Variants in DIXDC1 observed in about 807,000 individuals in gnomAD.
The protein encoded by DIXDC1 is dixin.
Under a neutral mutation model 103.1 loss-of-function variants are expected in DIXDC1, and 64 were observed. The ratio of observed to expected loss-of-function variants is 0.62; its 90% confidence interval spans 0.51 to 0.76. The LOEUF (loss-of-function observed/expected upper bound fraction) is 0.76. Among genes scored for constraint, DIXDC1 ranks in the 30% least tolerant of loss-of-function variants. The pLI is 0.00. For synonymous variants in DIXDC1, 266 were observed against 298.5 expected (o/e 0.89, Z 1.12); for missense variants, 759 against 834.2 (o/e 0.91, Z 1.11).
At chr11:111,962,943 G>T (rs1219468629) in intron 1 of DIXDC1, among the ~76,000 whole-genome samples, 1 of 152,210 alleles carries the variant, frequency 6.6e-6, no homozygotes, top group Non-Finnish European at 1.5e-5. Flanking sequence ...GGTGATGGGT[G>T]TCTGGCCCAC....
chr11:111,982,248 AC>A, intron 6 of DIXDC1, 90 bp from the exon 7 acceptor site: 7 of 1,404,574 alleles, frequency 5.0e-6, no homozygotes, highest in Middle Eastern at 1.8e-4. Context: ...AACGCAGGTG[AC>A]CTGAACCTGT....
intron 17 of DIXDC1, among the ~76,000 whole-genome samples, chr11:112,015,095 G>T (rs1157896698): frequency 2.0e-5 from 3 of 152,058 alleles, no homozygotes; most frequent in Non-Finnish European, 2.9e-5. Flanking sequence ...ATGTTGCCCA[G>T]GCTGGTCTCA....
chr11:111,981,587 C>T (rs1041780785), intron 6 of DIXDC1, among the ~76,000 whole-genome samples: 2 of 152,118 alleles, frequency 1.3e-5, no homozygotes, highest in East Asian at 1.9e-4. Flanking sequence ...TACTGAGTGC[C>T]GCTCTGGGCC....
At chr11:111,975,237 A>G (rs926581353) in intron 5 of DIXDC1, 6 of 1,270,578 alleles carry the variant, frequency 4.7e-6, no homozygotes, top group Non-Finnish European at 5.0e-6. Context: ...CTGTGACCAC[A>G]TGGGGGCATG....
chr11:111,942,610 T>C (rs1334341485), intron 1 of DIXDC1, among the ~76,000 whole-genome samples: 2 of 152,216 alleles, frequency 1.3e-5, no homozygotes, highest in African/African-American at 4.8e-5. Context: ...TTCACATGCA[T>C]TTATTGAGCA....
chr11:112,009,114 A>G lies in DIXDC1; in HGVS notation c.1757-7577A>G, dbSNP rs185203888. On this transcript the variant is annotated intron_variant, in intron 17 of 19. Transcript: ENST00000440460. ...CATCAAATTGACACAATAAAAAATG[A>G]TAAAGGGGATATTACCACCGATCCC... Among the ~76,000 whole-genome samples, 360 of 152,278 alleles carry G rather than the reference A, an allele frequency of 2.4e-3. 1 individual carries two copies. The highest frequency in any genetic ancestry group is 0.011 in the South Asian group (55 of 4,822).
At chr11:111,993,313 T>C (rs1555174768) in intron 12 of DIXDC1, among the ~76,000 whole-genome samples, 183 bp from the exon 13 acceptor site, 1 of 152,196 alleles carries the variant, frequency 6.6e-6, no homozygotes, top group Non-Finnish European at 1.5e-5. Context: ...TCTTCATTAC[T>C]CTTGAAGAAT....
intron 2 of DIXDC1, among the ~76,000 whole-genome samples, chr11:111,931,508 T>G (rs1966015990): frequency 6.6e-6 from 1 of 152,070 alleles, no homozygotes; most frequent in Non-Finnish European, 1.5e-5. Context: ...CTGGACGTGG[T>G]GGCGGACGCC....
chr11:111,999,107 C>T (rs980937295), intron 17 of DIXDC1, among the ~76,000 whole-genome samples: 1 of 152,184 alleles, frequency 6.6e-6, no homozygotes, highest in Admixed American at 6.5e-5. Flanking sequence ...TAGAAATCAT[C>T]TAGTGTACTG....
intron 17 of DIXDC1, among the ~76,000 whole-genome samples, chr11:112,011,486 A>G (rs1861418846): frequency 6.6e-6 from 1 of 152,228 alleles, no homozygotes; most frequent in African/African-American, 2.4e-5. Flanking sequence ...TCATGCTACT[A>G]TAAAGACACA....
At position 111,980,824 on chromosome 11, in the gene DIXDC1, C is replaced by T. The variant is rs111963828; in HGVS notation, c.744C>T (p.Pro248=). ...AGAAGGCAGATTTTGTGATTATTCCCGCTGAAGGAATAGAGAACAGAACAG... is the reference window on the plus strand; with the variant it reads ...AGAAGGCAGATTTTGTGATTATTCCTGCTGAAGGAATAGAGAACAGAACAG... ...SEEKADFVII[P]AEGIENRTEG... The change falls in exon 6 of 20, where the codon CCC becomes CCT. Residue 248 remains proline, a synonymous_variant. Coordinates refer to ENST00000440460, the MANE Select transcript of DIXDC1 (RefSeq NM_001037954.4). 1,914 of 1,613,776 alleles carry T rather than the reference C, an allele frequency of 1.2e-3. 14 individuals carry two copies. The African/African-American group carries it at 0.022, about 19-fold the overall frequency.
chr11:111,933,807 A>AT (rs1371450940), upstream of DIXDC1, among the ~76,000 whole-genome samples: 4 of 151,454 alleles, frequency 2.6e-5, no homozygotes, highest in East Asian at 5.8e-4. Flanking sequence ...GTCATGAATT[A>AT]TTGGCCATAA....
At chr11:111,981,240 G>A (rs587676266) in intron 6 of DIXDC1, among the ~76,000 whole-genome samples, 28 of 152,332 alleles carry the variant, frequency 1.8e-4, no homozygotes, top group African/African-American at 5.5e-4. Flanking sequence ...TGAGGTGTCT[G>A]TGAGGGCACA....
chr11:111,994,709 T>C (rs1293997534), intron 14 of DIXDC1, among the ~76,000 whole-genome samples: 2 of 152,148 alleles, frequency 1.3e-5, no homozygotes, highest in African/African-American at 4.8e-5. Context: ...AGCCAGGCAG[T>C]GCTGGAGCAG....
intron 7 of DIXDC1, among the ~76,000 whole-genome samples, chr11:111,984,264 G>A (rs1860415980): frequency 6.6e-6 from 1 of 152,196 alleles, no homozygotes; most frequent in Non-Finnish European, 1.5e-5. Flanking sequence ...ATTAGGTATA[G>A]GCAACGCATG....
At chr11:111,937,316 G>T (rs1408721807), upstream of DIXDC1, 1 of 1,339,658 alleles carries the variant, frequency 7.5e-7, no homozygotes, top group African/African-American at 1.5e-5. Context: ...GGAGGCCCCC[G>T]TGCGAGCATG....
rs587628604 is a variant in DIXDC1, at chr11:111,929,682, C to G, written c.-36-136C>G. On this transcript the variant is annotated intron_variant, in intron 1 of 5. Coordinates refer to the DIXDC1 transcript ENST00000529225. ...AGCTGGACTTCCTGCTAACTAGGGT[C>G]CTATTTCTGATACTTCAAGATGACT... The G allele has an allele frequency of 5.7e-6, 3 of 528,522 alleles. No individual in the cohort carries two copies. In the African/African-American group the frequency reaches 5.9e-5, roughly 10 times the overall value. The allele number at this position is 528,522 out of a possible 1,614,324, so 32.7% of individuals were successfully genotyped here.
intron 9 of DIXDC1, among the ~76,000 whole-genome samples, chr11:111,988,753 C>CT (rs1860588509): frequency 2.0e-5 from 3 of 152,180 alleles, no homozygotes; most frequent in Admixed American, 2.0e-4. Flanking sequence ...GGGGTATCTT[C>CT]TTTCTTGGCA....
At chr11:111,929,969 G>A in intron 2 of DIXDC1, 1 of 1,439,454 alleles carries the variant, frequency 6.9e-7, no homozygotes, top group South Asian at 1.2e-5. Flanking sequence ...TTTCAATACA[G>A]TTCTACTTCT....
Sources: allele counts gnomAD v4.1 joint callset (sites outside exome capture counted in the v4.1 genomes callset), GRCh38; gene constraint gnomAD v4.1.1; transcripts MANE v1.5; gene names NCBI Gene and HGNC (gene_info 2026-07-23, HGNC 2026-07-21).